The following STRN3 variants were observed in gnomAD, a reference collection of about 807,000 sequenced individuals.
STRN3 encodes striatin 3, also known as striatin-3.
A neutral mutation model predicts 95.6 loss-of-function variants in STRN3; 29 were observed. The ratio of observed to expected loss-of-function variants is 0.30; its 90% CI spans 0.23 to 0.41. STRN3 has a LOEUF of 0.41. Among genes scored for constraint, STRN3 ranks in the 10% least tolerant of loss-of-function variants. The probability of loss-of-function intolerance (pLI) is 1.00; values close to 1 mark genes in which losing one functional copy is unlikely to be tolerated. For synonymous variants in STRN3, 331 were observed against 357.6 expected (o/e 0.93, Z 0.84); for missense variants, 890 against 972.1 (o/e 0.92, Z 1.12).
intron 1 of STRN3, among the ~76,000 whole-genome samples, chr14:30,992,313 G>C (rs1881995703): frequency 6.6e-6 from 1 of 151,612 alleles, no homozygotes; most frequent in Admixed American, 6.6e-5. Flanking sequence ...CGGGAGACCT[G>C]AGAATCGCTT....
At chr14:30,958,364 C>T (rs1880024914) in intron 1 of STRN3, among the ~76,000 whole-genome samples, 1 of 152,050 alleles carries the variant, frequency 6.6e-6, no homozygotes, top group African/African-American at 2.4e-5. Flanking sequence ...CTTATAAATA[C>T]ATATTTTAAA....
At chr14:31,001,041 G>T (rs534177042) in intron 1 of STRN3, among the ~76,000 whole-genome samples, 7 of 152,208 alleles carry the variant, frequency 4.6e-5, no homozygotes, top group African/African-American at 1.4e-4. Flanking sequence ...TGAGGCAGAG[G>T]GGGTAGGGCT....
At chr14:30,913,776 T>G (rs1001406737) in intron 9 of STRN3, 119 bp from the exon 10 acceptor site, 3 of 1,230,586 alleles carry the variant, frequency 2.4e-6, no homozygotes, top group Non-Finnish European at 3.3e-6. Flanking sequence ...AATTTTTATT[T>G]TCCCACTTCT....
chr14:31,019,148 TA>T (rs1009379041), intron 1 of STRN3, among the ~76,000 whole-genome samples: 6 of 148,946 alleles, frequency 4.0e-5, no homozygotes, highest in African/African-American at 4.9e-5. Context: ...CTGTCTCTAC[TA>T]AAAAAAAAAT....
intron 1 of STRN3, among the ~76,000 whole-genome samples, chr14:30,972,595 G>A (rs1246739070): frequency 6.6e-6 from 1 of 151,976 alleles, no homozygotes; most frequent in East Asian, 1.9e-4. Flanking sequence ...GAGGCCAGGA[G>A]TTCAAGACCA....
In STRN3 at chr14:31,026,236, G is replaced by T; in HGVS notation, c.-51C>A. On this transcript the variant is annotated 5_prime_UTR_variant, in exon 1 of 18. Transcript: ENST00000357479. Reference sequence around the variant, plus strand: ...CAGGGCGAGACGCCGACAGCTGGGGGAAGGGCCGGAGAGGGTGGCCCCGCG... The same window carrying T: ...CAGGGCGAGACGCCGACAGCTGGGGTAAGGGCCGGAGAGGGTGGCCCCGCG... 5.1e-6 allele frequency: 7 copies of T among 1,375,022 alleles called. No individual in the cohort carries two copies. Among genetic ancestry groups the T allele is most frequent in the South Asian group, 5.0e-5 (3 of 59,916 alleles). 85.2% of individuals were successfully genotyped at this position (1,375,022 alleles called of 1,614,324 possible).
At chr14:30,914,713 T>C (rs565573792) in intron 9 of STRN3, among the ~76,000 whole-genome samples, 184 of 152,320 alleles carry the variant, frequency 1.2e-3, no homozygotes, top group African/African-American at 4.4e-3. Context: ...CTAGTTACCA[T>C]GACACTCTAA....
intron 8 of STRN3, among the ~76,000 whole-genome samples, chr14:30,922,769 C>T (rs541262446): frequency 3.3e-4 from 50 of 152,138 alleles, no homozygotes; most frequent in Middle Eastern, 3.4e-3. Flanking sequence ...TTATTTAAGA[C>T]AATTGTTGTC....
chr14:30,950,874 C>T lies in STRN3; in HGVS notation c.531G>A (p.Gln177=), dbSNP rs1373130309. 2.5e-6 allele frequency: 4 copies of T among 1,613,824 alleles called. No homozygotes were observed. In the East Asian group the frequency reaches 8.9e-5, roughly 36 times the overall value. Reference sequence around the variant, plus strand: ...AAGTAATTACTCACTGTCTTAAAAGCTGTCTGCCTTGCTTCCACGTTAACT... The same window carrying T: ...AAGTAATTACTCACTGTCTTAAAAGTTGTCTGCCTTGCTTCCACGTTAACT... The part of the protein sequence containing the change: ...NSQLTWKQGR[Q]LLRQYLQEVG... Residue 177 remains glutamine, a synonymous_variant, in exon 4 of 18, where the codon CAG becomes CAA. Coordinates refer to ENST00000357479, the MANE Select transcript of STRN3 (RefSeq NM_001083893.2).
intron 1 of STRN3, among the ~76,000 whole-genome samples, chr14:30,995,858 T>C (rs1882171987): frequency 6.6e-6 from 1 of 152,230 alleles, no homozygotes; most frequent in Non-Finnish European, 1.5e-5. Context: ...GGATTTATTG[T>C]CCAGCTGCTG....
chr14:30,992,273 TG>T (rs1881993028), intron 1 of STRN3, among the ~76,000 whole-genome samples: 1 of 151,760 alleles, frequency 6.6e-6, no homozygotes, highest in Non-Finnish European at 1.5e-5. Context: ...TAGCTGGGCA[TG>T]GTGGCGGGCG....
chr14:31,025,201 G>C (rs1566501808), intron 1 of STRN3: 1 of 152,254 alleles, frequency 6.6e-6, no homozygotes, highest in Non-Finnish European at 1.5e-5. Context: ...ATCTAGTGGA[G>C]AGTACTGTAA....
At chr14:30,987,860 C>T (rs1220062133) in intron 1 of STRN3, among the ~76,000 whole-genome samples, 2 of 151,958 alleles carry the variant, frequency 1.3e-5, no homozygotes, top group Non-Finnish European at 2.9e-5. Context: ...GCCTCAGCCT[C>T]CCAAGTAGCT....
intron 8 of STRN3, among the ~76,000 whole-genome samples, chr14:30,926,281 A>G (rs929610012): frequency 6.6e-6 from 1 of 152,132 alleles, no homozygotes; most frequent in Non-Finnish European, 1.5e-5. Flanking sequence ...ATGTTTAAAA[A>G]TTAGAAACAA....
intron 1 of STRN3, among the ~76,000 whole-genome samples, chr14:31,021,101 G>T (rs1883485590): frequency 6.6e-6 from 1 of 152,098 alleles, no homozygotes; most frequent in Admixed American, 6.6e-5. Context: ...CGATGGGGAG[G>T]ATAGTGTTAA....
At chr14:30,945,370 C>A (rs944944751) in intron 5 of STRN3, among the ~76,000 whole-genome samples, 3 of 147,804 alleles carry the variant, frequency 2.0e-5, no homozygotes, top group African/African-American at 7.5e-5. Flanking sequence ...GTAATCCCAG[C>A]ACTTTGGAAG....
At chr14:30,912,326 T>C (rs1342626882) in intron 10 of STRN3, 144 bp from the exon 11 acceptor site, 18 of 625,238 alleles carry the variant, frequency 2.9e-5, no homozygotes, top group Non-Finnish European at 4.0e-5. Flanking sequence ...AATGTACCTT[T>C]AAAACTTTCT....
intron 1 of STRN3, among the ~76,000 whole-genome samples, chr14:30,958,876 T>A (rs1325482019): frequency 6.6e-6 from 1 of 152,124 alleles, no homozygotes; most frequent in Non-Finnish European, 1.5e-5. Context: ...TTACCAACTA[T>A]CCACACTTAG....
At chr14:30,943,648 G>C (rs767561061) in intron 5 of STRN3, among the ~76,000 whole-genome samples, 6 of 152,024 alleles carry the variant, frequency 3.9e-5, no homozygotes, top group Admixed American at 6.6e-5. Flanking sequence ...TCCATCAACA[G>C]GTAAAGAAAT....
Sources: gnomAD v4.1 joint callset for allele counts (sites outside exome capture counted in the v4.1 genomes callset) on GRCh38, gnomAD v4.1.1 for gene constraint, MANE v1.5 for transcripts, NCBI Gene and HGNC (gene_info 2026-07-23, HGNC 2026-07-21) for gene names.